CD58: variants seen among roughly 807,000 people sequenced by gnomAD.
CD58 encodes the protein CD58 molecule.
In CD58, 14 loss-of-function variants were observed where a neutral mutation model predicts 27.6. The ratio of observed to expected loss-of-function variants is 0.51; its 90% CI spans 0.34 to 0.79. The LOEUF is 0.79. CD58 is among the 30% of genes least tolerant of loss of function. CD58 has a pLI of 0.02. For missense variants in CD58, 268 were observed against 301.7 expected (o/e 0.89, Z 0.83); for synonymous variants, 117 against 103.8 (o/e 1.13, Z -0.77).
intron 1 of CD58, among the ~76,000 whole-genome samples, chr1:116,568,374 T>C (rs959327053): frequency 6.6e-6 from 1 of 152,166 alleles, no homozygotes; most frequent in African/African-American, 2.4e-5. Context: ...AAGGAGAAAG[T>C]ACGCAAATGT....
rs369670530 is a variant in CD58 at position 116,514,827 on chromosome 1, A to G, written c.744-5T>C. 1.3e-4 allele frequency: 197 copies of G among 1,480,668 alleles called. No individual in the cohort carries two copies. The African/African-American group carries it at 2.1e-3, about 16-fold the overall frequency. The allele number at this position is 1,480,668 out of a possible 1,614,324, so 91.7% of individuals were successfully genotyped here. A position where few individuals can be genotyped will look rare whatever the true frequency, so the allele number is the denominator to read the frequency against. On this transcript the variant is annotated splice_region_variant and splice_polypyrimidine_tract_variant and intron_variant, in intron 5 of 5. Transcript: ENST00000369489. ...TCTGTTACCAATCAATTGGAGCTAC[A>G]AAAAAAAATCATATTATTAACTTGT... is the stretch of plus-strand genomic sequence containing the variant.
chr1:116,557,550 A>G lies in CD58; in HGVS notation c.71-12946T>C, dbSNP rs1658603673. On this transcript the variant is annotated intron_variant, in intron 1 of 5. Transcript: ENST00000369489. The surrounding 1 kb of genome is among the most constrained non-coding windows in gnomAD (Gnocchi z 5.2). ...TACCCACTCATGGATGTCAGCCCCA[A>G]TCAAACTTAACAGCCTCGCTATGGT... Among the ~76,000 whole-genome samples, 1 of 152,156 alleles carries G rather than the reference A, an allele frequency of 6.6e-6. No individual in the cohort carries two copies. Among genetic ancestry groups the G allele is most frequent in the Non-Finnish European group, 1.5e-5 (1 of 68,028 alleles).
chr1:116,568,154 T>G (rs145414385), intron 1 of CD58, among the ~76,000 whole-genome samples: 1 of 152,164 alleles, frequency 6.6e-6, no homozygotes, highest in African/African-American at 2.4e-5. Flanking sequence ...GCTTCTGGGT[T>G]CTCTACCAGG....
rs971829846 is a variant in CD58, at chr1:116,524,608, C to T, written c.629-2625G>A. On this transcript the variant is annotated intron_variant, in intron 3 of 5. Coordinates refer to ENST00000369489, the MANE Select transcript of CD58 (RefSeq NM_001779.3). The surrounding 1 kb of genome is among the most constrained non-coding windows in gnomAD (Gnocchi z 4.6). ...ATGTTTACTTAACCTAATCAATTTA[C>T]AGCTGAATCTCCTTTCTTTCATGCC... Among the ~76,000 whole-genome samples, 10 of 152,190 alleles carry T rather than the reference C, an allele frequency of 6.6e-5. No individual in the cohort carries two copies. The highest frequency in any genetic ancestry group is 1.0e-4 in the Non-Finnish European group (7 of 68,030).
intron 3 of CD58, chr1:116,533,319 C>T (rs1657678688): frequency 3.6e-6 from 5 of 1,392,564 alleles, no homozygotes; most frequent in Non-Finnish European, 4.1e-6. Context: ...AACATTCTTT[C>T]CTTTCTTCCA....
intron 1 of CD58, among the ~76,000 whole-genome samples, chr1:116,547,638 C>T (rs114776622): frequency 1.8e-3 from 281 of 152,062 alleles, no homozygotes; most frequent in African/African-American, 6.4e-3. Context: ...CTATTATGTT[C>T]CTTTTTATGG....
In CD58 at chr1:116,519,118, T is replaced by C. The variant is rs866940674; in HGVS notation, c.743+113A>G. 5 of 1,549,144 alleles carry C rather than the reference T, an allele frequency of 3.2e-6. No individual in the cohort carries two copies. Among genetic ancestry groups the C allele is most frequent in the Non-Finnish European group, 4.4e-6 (5 of 1,145,356 alleles). ...GTATATCTGCTGATGTTACTTCTTATTACTGTACAAGGCAACCAACAGATG... is the reference window on the plus strand; with the variant it reads ...GTATATCTGCTGATGTTACTTCTTACTACTGTACAAGGCAACCAACAGATG... On this transcript the variant is annotated intron_variant, in intron 5 of 5. Coordinates refer to ENST00000369489, the MANE Select transcript of CD58 (RefSeq NM_001779.3). The surrounding 1 kb of genome is among the most constrained non-coding windows in gnomAD (Gnocchi z 4.7).
intron 1 of CD58, among the ~76,000 whole-genome samples, chr1:116,548,774 A>T (rs1175478624): frequency 6.6e-6 from 1 of 152,214 alleles, no homozygotes; most frequent in African/African-American, 2.4e-5. Flanking sequence ...TATTTAGTCA[A>T]ATTACTCCCA....
rs745851727 is a variant in CD58, at chr1:116,570,894, T to G, written c.70+9A>C. Reference sequence around the variant, plus strand: ...CCGGCGCGGGGCCCCTGGGGCAGGCTTCACTCACCAAAGCAGTGCAGCAGG... The same window carrying G: ...CCGGCGCGGGGCCCCTGGGGCAGGCGTCACTCACCAAAGCAGTGCAGCAGG... On this transcript the variant is annotated intron_variant, in intron 1 of 5. Coordinates refer to ENST00000369489, the MANE Select transcript of CD58 (RefSeq NM_001779.3). The surrounding 1 kb of genome is among the most constrained non-coding windows in gnomAD (Gnocchi z 6.4). 6.4e-7 allele frequency: 1 copy of G among 1,552,358 alleles called. No homozygotes were observed. The highest frequency in any genetic ancestry group is 8.7e-7 in the Non-Finnish European group (1 of 1,153,722).
At position 116,514,788 on chromosome 1, in the gene CD58, T is replaced by C. The variant is rs199717520; in HGVS notation, c.*25A>G. ...AGTTTTTAAAATAATTTAGTTATGC[T>C]GTTGTCTTCATCTTCTGTTACCAAT... is the stretch of plus-strand genomic sequence containing the variant. On this transcript the variant is annotated 3_prime_UTR_variant, in exon 6 of 6. Coordinates refer to ENST00000369489, the MANE Select transcript of CD58 (RefSeq NM_001779.3). 3.2e-5 allele frequency: 47 copies of C among 1,449,484 alleles called. No homozygotes were observed. Among genetic ancestry groups the C allele is most frequent in the Non-Finnish European group, 1.1e-5 (11 of 1,038,378 alleles). The allele number at this position is 1,449,484 out of a possible 1,614,324, so 89.8% of individuals were successfully genotyped here.
intron 1 of CD58, among the ~76,000 whole-genome samples, chr1:116,551,765 G>GT (rs1169831978): frequency 7.5e-6 from 1 of 133,204 alleles, no homozygotes; most frequent in African/African-American, 2.9e-5. Context: ...TTCAGACAGA[G>GT]TTTCATTCTT....
chr1:116,558,961 T>C (rs1658668489), intron 1 of CD58, among the ~76,000 whole-genome samples: 4 of 152,232 alleles, frequency 2.6e-5, no homozygotes, highest in Admixed American at 2.6e-4. Flanking sequence ...AGGCAGGATA[T>C]AGCAATGAAC....
intron 2 of CD58, among the ~76,000 whole-genome samples, chr1:116,540,371 T>G (rs1174440844): frequency 6.6e-6 from 1 of 151,848 alleles, no homozygotes; most frequent in African/African-American, 2.4e-5. Flanking sequence ...AAAAATAGTA[T>G]GACCAATCAT....
intron 1 of CD58, among the ~76,000 whole-genome samples, chr1:116,567,198 G>A (rs1014959125): frequency 5.6e-4 from 73 of 131,290 alleles, no homozygotes; most frequent in Non-Finnish European, 1.0e-3. Flanking sequence ...GAAGGGAAGG[G>A]AAGGGAAGGG....
chr1:116,555,887 A>C lies in CD58; in HGVS notation c.71-11283T>G, dbSNP rs1369383084. Among the ~76,000 whole-genome samples the C allele has an allele frequency of 2.0e-5, 3 of 152,048 alleles. No individual in the cohort carries two copies. The East Asian group carries it at 5.8e-4, about 29-fold the overall frequency. Reference sequence around the variant, plus strand: ...GGGCCTGAGATTCAGATTGACTGGTACTTTTTTTTTTTACTTAATCTAACA... The same window carrying C: ...GGGCCTGAGATTCAGATTGACTGGTCCTTTTTTTTTTTACTTAATCTAACA... On this transcript the variant is annotated intron_variant, in intron 1 of 5. Transcript: ENST00000369489.
intron 1 of CD58, among the ~76,000 whole-genome samples, chr1:116,558,481 C>G (rs574127775): frequency 1.3e-5 from 2 of 152,338 alleles, no homozygotes; most frequent in Admixed American, 1.3e-4. Context: ...TCTCTATCTA[C>G]ACACCCATAT....
intron 2 of CD58, 83 bp downstream of exon 2, chr1:116,544,228 C>T: frequency 2.2e-6 from 2 of 905,574 alleles, no homozygotes; most frequent in Non-Finnish European, 3.4e-6. Context: ...TCTCATAGAC[C>T]ATTAATTTGT....
At position 116,534,636 on chromosome 1, in the gene CD58, C is replaced by G. The variant is rs1004291669; in HGVS notation, c.628+1329G>C. Among the ~76,000 whole-genome samples the G allele has an allele frequency of 6.6e-6, 1 of 152,170 alleles. No homozygotes were observed. Among genetic ancestry groups the G allele is most frequent in the Non-Finnish European group, 1.5e-5 (1 of 68,010 alleles). On this transcript the variant is annotated intron_variant, in intron 3 of 5. Coordinates refer to ENST00000369489, the MANE Select transcript of CD58 (RefSeq NM_001779.3). This position sits in a 1 kb window ranked among gnomAD's most constrained non-coding sequence, Gnocchi z 5.3. ...GGAGGGGCCGCTCCAGGCCCCAAGC[C>G]CCAGGCCCGCCGCGGCGGCGCTGCC...
Position 116,532,841 on chromosome 1 carries a change from T to G in CD58, c.628+3124A>C. 1.7e-6 allele frequency: 1 copy of G among 595,666 alleles called. No homozygotes were observed. The highest frequency in any genetic ancestry group is 3.0e-6 in the Non-Finnish European group (1 of 331,926). The allele number at this position is 595,666 out of a possible 1,614,324, so 36.9% of individuals were successfully genotyped here. The stretch of plus-strand genomic sequence containing the variant: ...AAACGATTAGATGGAGTAAGCGCTG[T>G]CGACGGGATTGTGCCGCATGCGGCA... On this transcript the variant is annotated intron_variant, in intron 3 of 5. Coordinates refer to ENST00000369489, the MANE Select transcript of CD58 (RefSeq NM_001779.3). The surrounding 1 kb of genome is among the most constrained non-coding windows in gnomAD (Gnocchi z 5.1).
Sources: gnomAD v4.1 joint callset for allele counts (sites outside exome capture counted in the v4.1 genomes callset) on GRCh38, gnomAD v4.1.1 for gene constraint, Gnocchi (gnomAD v3.1) non-coding constraint, MANE v1.5 for transcripts, NCBI Gene and HGNC (gene_info 2026-07-23, HGNC 2026-07-21) for gene names.